PTPRG: variants seen among roughly 807,000 people sequenced by gnomAD.
The protein encoded by PTPRG is protein tyrosine phosphatase receptor type G.
In PTPRG, 102 loss-of-function variants were observed where a neutral mutation model predicts 165.3. The observed-to-expected ratio is 0.62, with a 90% CI of 0.53 to 0.73. The LOEUF (loss-of-function observed/expected upper bound fraction) is 0.73. Among genes scored for constraint, PTPRG ranks in the 30% least tolerant of loss-of-function variants. The pLI is 0.00. For missense variants in PTPRG, 1,866 were observed against 1,861.4 expected, an observed-to-expected ratio of 1.00 and a Z score of -0.05; for synonymous variants, 675 against 669.5, an observed-to-expected ratio of 1.01 and a Z score of -0.13.
At chr3:61,992,827 C>T (rs550100139) in intron 3 of PTPRG, among the ~76,000 whole-genome samples, 23 of 151,740 alleles carry the variant, frequency 1.5e-4, no homozygotes, top group African/African-American at 5.1e-4. Context: ...CGGCCATGCC[C>T]GGCTAATTTT....
In PTPRG at chr3:62,074,352, C is replaced by CTTTCT. The variant is rs1701310935; in HGVS notation, c.520-3808_520-3807insCTTTT. Among the ~76,000 whole-genome samples, 474 of 109,148 alleles carry CTTTCT rather than the reference C, an allele frequency of 4.3e-3. 9 individuals carry two copies. The highest frequency in any genetic ancestry group is 0.017 in the African/African-American group (446 of 26,142). The allele number at this position is 109,148 out of a possible 152,430, so 71.6% of individuals were successfully genotyped here. A position where few individuals can be genotyped will look rare whatever the true frequency, so the allele number is the denominator to read the frequency against. Reference sequence around the variant, plus strand: ...TTTTTTCCTTTCTTTTCTTTTCTTTCTTTTTTTTTTTTTTTTTTTTTGAGA... The same window carrying CTTTCT: ...TTTTTTCCTTTCTTTTCTTTTCTTTCTTTCTTTTTTTTTTTTTTTTTTTTTTGAGA... On this transcript the variant is annotated intron_variant, in intron 4 of 29. Coordinates refer to ENST00000474889, the MANE Select transcript of PTPRG (RefSeq NM_002841.4).
chr3:61,597,699 A>G (rs924927114), intron 1 of PTPRG, among the ~76,000 whole-genome samples: 3 of 152,184 alleles, frequency 2.0e-5, no homozygotes, highest in Admixed American at 1.3e-4. Flanking sequence ...ATTAAAATGG[A>G]TAAATCTGCA....
chr3:61,925,472 A>G (rs1029924456), intron 2 of PTPRG, among the ~76,000 whole-genome samples: 4 of 152,224 alleles, frequency 2.6e-5, no homozygotes, highest in African/African-American at 9.6e-5. Flanking sequence ...GGCTGGGTGC[A>G]GTGGCTCACA....
chr3:62,223,097 A>T (rs1387288788), intron 13 of PTPRG, among the ~76,000 whole-genome samples: 2 of 151,966 alleles, frequency 1.3e-5, no homozygotes, highest in African/African-American at 4.8e-5. Flanking sequence ...GCAAGCAGAT[A>T]ATGTGGCTCA....
intron 4 of PTPRG, among the ~76,000 whole-genome samples, chr3:62,067,959 C>T (rs1235367222): frequency 6.6e-6 from 1 of 152,040 alleles, no homozygotes; most frequent in Non-Finnish European, 1.5e-5. Flanking sequence ...GTACTAGGAC[C>T]CTAGAGAGAA....
intron 2 of PTPRG, among the ~76,000 whole-genome samples, chr3:61,900,303 C>T (rs1341849258): frequency 6.6e-6 from 1 of 152,124 alleles, no homozygotes; most frequent in Non-Finnish European, 1.5e-5. Context: ...TAGGCTACTC[C>T]CATGAATTTG....
intron 2 of PTPRG, among the ~76,000 whole-genome samples, chr3:61,767,239 TCA>T (rs1491430525): frequency 2.1e-4 from 15 of 73,098 alleles, no homozygotes; most frequent in Non-Finnish European, 2.9e-4. Context: ...AGATTCCATC[TCA>T]AAAAAAAAAA....
intron 5 of PTPRG, among the ~76,000 whole-genome samples, chr3:62,079,590 C>T (rs563706701): frequency 3.4e-4 from 52 of 152,186 alleles, no homozygotes; most frequent in Non-Finnish European, 4.7e-4. Flanking sequence ...TACTGTGGGT[C>T]GTGGTCAAGT....
chr3:62,031,943 T>A (rs1197335742), intron 4 of PTPRG, among the ~76,000 whole-genome samples: 1 of 152,094 alleles, frequency 6.6e-6, no homozygotes, highest in African/African-American at 2.4e-5. Flanking sequence ...CAGTTGGAAA[T>A]GTCTAAGAAA....
At chr3:61,578,216 C>T (rs7630724) in intron 1 of PTPRG, among the ~76,000 whole-genome samples, 16,100 of 152,206 alleles carry the variant, frequency 0.11, 850 homozygotes, top group Admixed American at 0.12. Flanking sequence ...AACAACATCT[C>T]GCTTGAGCTC....
chr3:61,818,541 G>T (rs925739705), intron 2 of PTPRG, among the ~76,000 whole-genome samples: 4 of 152,144 alleles, frequency 2.6e-5, no homozygotes, highest in African/African-American at 9.7e-5. Context: ...TCTCATGCCT[G>T]TAATCCCAGC....
At chr3:61,952,143 A>G (rs2039915564) in intron 2 of PTPRG, among the ~76,000 whole-genome samples, 1 of 143,808 alleles carries the variant, frequency 7.0e-6, no homozygotes, top group African/African-American at 2.6e-5. Context: ...AAAAAAAAAG[A>G]CAGTATCAGA....
At chr3:61,836,141 A>T (rs2036454956) in intron 2 of PTPRG, among the ~76,000 whole-genome samples, 1 of 143,970 alleles carries the variant, frequency 6.9e-6, no homozygotes, top group South Asian at 2.2e-4. Flanking sequence ...GGATATTTGT[A>T]GGCCTGCTCT....
chr3:61,665,278 T>C (rs1372042425), intron 1 of PTPRG, among the ~76,000 whole-genome samples: 1 of 152,200 alleles, frequency 6.6e-6, no homozygotes, highest in Non-Finnish European at 1.5e-5. Context: ...TATCAGTATT[T>C]TCACTGTCTC....
intron 2 of PTPRG, among the ~76,000 whole-genome samples, chr3:61,754,401 C>T (rs1369176647): frequency 6.6e-6 from 1 of 152,212 alleles, no homozygotes; most frequent in Non-Finnish European, 1.5e-5. Context: ...CACCTCACTA[C>T]ACTGTTCATA....
intron 5 of PTPRG, among the ~76,000 whole-genome samples, chr3:62,127,539 A>G (rs1355574893): frequency 1.3e-5 from 2 of 152,124 alleles, no homozygotes; most frequent in African/African-American, 2.4e-5. Context: ...CTCTGCAGCC[A>G]TGGTTAACGG....
At chr3:62,022,352 A>G (rs1241453992) in intron 4 of PTPRG, among the ~76,000 whole-genome samples, 1 of 152,220 alleles carries the variant, frequency 6.6e-6, no homozygotes, top group Non-Finnish European at 1.5e-5. Context: ...TTTTAGTTAA[A>G]TCTAGTTTTG....
At chr3:61,587,858 T>C (rs190826350) in intron 1 of PTPRG, among the ~76,000 whole-genome samples, 169 of 152,216 alleles carry the variant, frequency 1.1e-3, no homozygotes, top group Middle Eastern at 6.8e-3. Flanking sequence ...GTGGCCTTAC[T>C]GTGTTGCCCA....
rs1365124635 is a variant in PTPRG at position 61,738,336 on chromosome 3, A to ATGTATATATATATGTGTATATATATATG, written c.86-10529_86-10528insGTGTATATATATATGTGTATATATATAT. ...TACATATATATATATATATATATAT[A>ATGTATATATATATGTGTATATATATATG]TGTATATATATATATAAACCTATTT... is the stretch of plus-strand genomic sequence containing the variant. On this transcript the variant is annotated intron_variant, in intron 1 of 29. Transcript: ENST00000474889. Among the ~76,000 whole-genome samples, 2 of 130,752 alleles carry ATGTATATATATATGTGTATATATATATG rather than the reference A, an allele frequency of 1.5e-5. 1 individual carries two copies. Among genetic ancestry groups the ATGTATATATATATGTGTATATATATATG allele is most frequent in the Non-Finnish European group, 3.3e-5 (2 of 61,098 alleles). 85.8% of individuals were successfully genotyped at this position (130,752 alleles called of 152,430 possible).
Sources: gnomAD v4.1 joint callset for allele counts (sites outside exome capture counted in the v4.1 genomes callset) on GRCh38, gnomAD v4.1.1 for gene constraint, MANE v1.5 for transcripts, NCBI Gene and HGNC (gene_info 2026-07-23, HGNC 2026-07-21) for gene names.